The following LARGE1 variants were observed in gnomAD, a reference collection of about 807,000 sequenced individuals.
The protein encoded by LARGE1 is LARGE xylosyl- and glucuronyltransferase 1.
LARGE1 carries 43 observed loss-of-function variants against 87.6 expected under a neutral mutation model. The observed-to-expected ratio is 0.49, with a 90% CI of 0.38 to 0.63. LARGE1 has a LOEUF of 0.63. Ranked by LOEUF, LARGE1 falls within the 30% of genes least tolerant of loss-of-function variation. LARGE1 has a pLI of 0.00. For missense variants in LARGE1, 802 were observed against 1,000.2 expected (o/e 0.80, Z 2.67); for synonymous variants, 434 against 394.6 (o/e 1.10, Z -1.18).
intron 2 of LARGE1, among the ~76,000 whole-genome samples, chr22:33,653,033 C>A (rs1186233649): frequency 6.6e-6 from 1 of 152,152 alleles, no homozygotes; most frequent in African/African-American, 2.4e-5. Flanking sequence ...GCTTTTGAAA[C>A]CTGTCTCCCT....
chr22:33,672,015 T>C (rs758113384), intron 2 of LARGE1, among the ~76,000 whole-genome samples: 42 of 152,286 alleles, frequency 2.8e-4, no homozygotes, highest in Non-Finnish European at 4.9e-4. Flanking sequence ...AAAATACTTA[T>C]CAATCTTAAG....
intron 9 of LARGE1, among the ~76,000 whole-genome samples, chr22:33,363,618 C>G (rs2064466371): frequency 6.7e-6 from 1 of 149,634 alleles, no homozygotes; most frequent in African/African-American, 2.5e-5. Context: ...ACGTACCTAA[C>G]TCCATACCAT....
intron 1 of LARGE1, among the ~76,000 whole-genome samples, chr22:33,772,064 C>T (rs1036100924): frequency 2.0e-5 from 3 of 152,160 alleles, no homozygotes; most frequent in African/African-American, 4.8e-5. Context: ...CCAGGCGCGG[C>T]GGCTCACACC....
chr22:33,297,134 C>T (rs1367298786), intron 12 of LARGE1, among the ~76,000 whole-genome samples: 3 of 152,188 alleles, frequency 2.0e-5, no homozygotes, highest in Non-Finnish European at 2.9e-5. Flanking sequence ...CCACCTCTAC[C>T]TGGCTTTGTT....
At chr22:33,131,778 A>G in the LARGE1 span, among the ~76,000 whole-genome samples, 81,347 of 151,230 alleles carry the variant, frequency 0.54, 21,883 homozygotes, top group South Asian at 0.74. Flanking sequence ...ATTTGGGTGG[A>G]GACACAGCCA....
At chr22:33,782,846 A>G (rs113048498) in intron 1 of LARGE1, among the ~76,000 whole-genome samples, 10 of 150,220 alleles carry the variant, frequency 6.7e-5, no homozygotes, top group African/African-American at 2.5e-4. Context: ...GCCTGGCAAC[A>G]GAGTGAGACT....
At chr22:33,161,784 C>A (rs1016686884), downstream of LARGE1, among the ~76,000 whole-genome samples, 1 of 152,184 alleles carries the variant, frequency 6.6e-6, no homozygotes, top group African/African-American at 2.4e-5. Flanking sequence ...CATGGGCTGG[C>A]ATTGAGTGTC....
intron 1 of LARGE1, among the ~76,000 whole-genome samples, chr22:33,899,633 G>A (rs182205388): frequency 1.1e-4 from 16 of 152,134 alleles, no homozygotes; most frequent in Admixed American, 5.9e-4. Flanking sequence ...CTCCTCACCC[G>A]CCCCCTCACT....
intron 6 of LARGE1, among the ~76,000 whole-genome samples, chr22:33,505,712 AC>A (rs1361337567): frequency 1.3e-5 from 2 of 152,178 alleles, no homozygotes; most frequent in African/African-American, 4.8e-5. Flanking sequence ...TGCACAGGCT[AC>A]CTGATGACTT....
chr22:33,254,788 T>C (rs1927176222), intron 11 of LARGE1, among the ~76,000 whole-genome samples: 1 of 152,198 alleles, frequency 6.6e-6, no homozygotes, highest in Non-Finnish European at 1.5e-5. Context: ...ATTCTTCTTC[T>C]CTTTCTCTAC....
At chr22:33,603,865 T>C (rs977216410) in intron 5 of LARGE1, among the ~76,000 whole-genome samples, 1 of 152,206 alleles carries the variant, frequency 6.6e-6, no homozygotes, top group Non-Finnish European at 1.5e-5. Context: ...AAGGTTTCAT[T>C]TGGTTGAAAC....
At chr22:33,227,385 G>T (rs1351081777) in intron 11 of LARGE1, among the ~76,000 whole-genome samples, 2 of 152,128 alleles carry the variant, frequency 1.3e-5, no homozygotes, top group Admixed American at 1.3e-4. Flanking sequence ...CCTTAGAGAA[G>T]AAATGATGTG....
At chr22:33,778,727 TGCACCCTCC>T (rs2085326715) in intron 1 of LARGE1, among the ~76,000 whole-genome samples, 1 of 152,146 alleles carries the variant, frequency 6.6e-6, no homozygotes, top group Non-Finnish European at 1.5e-5. Context: ...CTCGGCTCAC[TGCACCCTCC>T]GCCTCCTGAG....
intron 7 of LARGE1, among the ~76,000 whole-genome samples, chr22:33,430,126 G>C (rs929757557): frequency 3.9e-5 from 6 of 152,206 alleles, no homozygotes; most frequent in Non-Finnish European, 7.3e-5. Flanking sequence ...AAGCAAGGCA[G>C]GTTGGTAGTT....
intron 11 of LARGE1, among the ~76,000 whole-genome samples, chr22:33,253,651 G>T (rs1927114360): frequency 6.6e-6 from 1 of 152,206 alleles, no homozygotes; most frequent in South Asian, 2.1e-4. Flanking sequence ...GGTGGAGGTT[G>T]CAGTGAGCCA....
intron 6 of LARGE1, among the ~76,000 whole-genome samples, chr22:33,481,604 A>G (rs1345191363): frequency 1.3e-5 from 2 of 152,192 alleles, no homozygotes; most frequent in Non-Finnish European, 2.9e-5. Context: ...ACTAAAGCAG[A>G]TAAGAGAAAC....
chr22:33,823,079 C>T (rs2062684830), intron 1 of LARGE1, among the ~76,000 whole-genome samples: 1 of 152,204 alleles, frequency 6.6e-6, no homozygotes, highest in African/African-American at 2.4e-5. Context: ...TTCAACCACA[C>T]AGAGATATCG....
intron 1 of LARGE1, among the ~76,000 whole-genome samples, chr22:33,859,086 T>A (rs1437060112): frequency 6.6e-6 from 1 of 152,124 alleles, no homozygotes; most frequent in African/African-American, 2.4e-5. Flanking sequence ...AAATACCTAA[T>A]GTAGATGACG....
chr22:33,550,861 T>G (rs1297399558), intron 6 of LARGE1, among the ~76,000 whole-genome samples: 3 of 152,190 alleles, frequency 2.0e-5, no homozygotes, highest in Non-Finnish European at 4.4e-5. Context: ...GAAATACTAT[T>G]TAGCCACAAA....
Sources: allele counts gnomAD v4.1 joint callset (sites outside exome capture counted in the v4.1 genomes callset), GRCh38; gene constraint gnomAD v4.1.1; transcripts MANE v1.5; gene names NCBI Gene and HGNC (gene_info 2026-07-23, HGNC 2026-07-21).